The following MAGI1 variants were observed in gnomAD, a reference collection of about 807,000 sequenced individuals.
MAGI1 encodes the protein membrane associated guanylate kinase, WW and PDZ domain containing 1, also known as membrane-associated guanylate kinase, WW and PDZ domain-containing protein 1.
MAGI1 carries 58 observed loss-of-function variants against 139.9 expected under a neutral mutation model. The observed-to-expected ratio is 0.41, with a 90% CI of 0.34 to 0.52. The LOEUF (loss-of-function observed/expected upper bound fraction) is 0.52. MAGI1 is among the 20% of genes least tolerant of loss of function. The pLI, the probability that MAGI1 is intolerant of heterozygous loss-of-function variation, is 0.12. For synonymous variants in MAGI1, 812 were observed against 737.9 expected, an observed-to-expected ratio of 1.10 and a Z score of -1.63; for missense variants, 1,874 against 1,901.6, an observed-to-expected ratio of 0.99 and a Z score of 0.27.
Position 65,880,555 on chromosome 3 carries a change from C to G in MAGI1, c.313+157441G>C, listed in dbSNP as rs2060283626. ...AACAAGAAATACTGCTGACTGGTCC[C>G]AAAACAAATATCTTTATGACAGATG... is the stretch of plus-strand genomic sequence containing the variant. On this transcript the variant is annotated intron_variant, in intron 1 of 22. Coordinates refer to ENST00000402939, the MANE Select transcript of MAGI1 (RefSeq NM_001033057.2). 2.0e-5 allele frequency among the ~76,000 whole-genome samples: 3 copies of G among 151,946 alleles called. No homozygotes were observed. The South Asian group carries it at 6.2e-4, about 32-fold the overall frequency.
intron 2 of MAGI1, among the ~76,000 whole-genome samples, chr3:65,562,349 T>C (rs1176956450): frequency 6.6e-6 from 1 of 152,192 alleles, no homozygotes; most frequent in Non-Finnish European, 1.5e-5. Context: ...ATGCCACTCA[T>C]TGTAGAATGC....
rs928814667 is a variant in MAGI1 at position 65,508,352 on chromosome 3, C to T, written c.431-14721G>A. On this transcript the variant is annotated intron_variant, in intron 2 of 22. Coordinates refer to ENST00000402939, the MANE Select transcript of MAGI1 (RefSeq NM_001033057.2). ...CTGGGAGGCGGAGCTTGCAGTGAGC[C>T]GAGATTGCGCCACTGCACTCCTGCC... 5.3e-5 allele frequency among the ~76,000 whole-genome samples: 8 copies of T among 151,624 alleles called. No homozygotes were observed. In the South Asian group the frequency reaches 1.5e-3, roughly 28 times the overall value.
At chr3:65,977,606 G>T (rs768945941) in intron 1 of MAGI1, among the ~76,000 whole-genome samples, 3 of 151,992 alleles carry the variant, frequency 2.0e-5, no homozygotes, top group Non-Finnish European at 2.9e-5. Flanking sequence ...AGATACTCAG[G>T]AGGCTGAGGC....
chr3:65,977,437 G>A (rs761853147), intron 1 of MAGI1, among the ~76,000 whole-genome samples: 11 of 152,226 alleles, frequency 7.2e-5, no homozygotes, highest in South Asian at 2.1e-4. Flanking sequence ...TCGGCCGGGC[G>A]CGGTGGTTCA....
At chr3:65,372,256 C>T (rs1179944291) in intron 18 of MAGI1, among the ~76,000 whole-genome samples, 1 of 152,216 alleles carries the variant, frequency 6.6e-6, no homozygotes, top group African/African-American at 2.4e-5. Flanking sequence ...GAACAACATT[C>T]ATTTCCTTGT....
chr3:65,610,431 T>C (rs545913760), intron 2 of MAGI1, among the ~76,000 whole-genome samples: 1 of 152,232 alleles, frequency 6.6e-6, no homozygotes, highest in Non-Finnish European at 1.5e-5. Flanking sequence ...TCACATGATG[T>C]CTTATTTCCA....
intron 2 of MAGI1, among the ~76,000 whole-genome samples, chr3:65,607,580 G>A (rs2106898484): frequency 6.6e-6 from 1 of 152,294 alleles, no homozygotes; most frequent in South Asian, 2.1e-4. Flanking sequence ...CTGAGAAACT[G>A]ACAAGGGAGT....
intron 1 of MAGI1, among the ~76,000 whole-genome samples, chr3:65,996,187 C>G (rs950168486): frequency 2.0e-5 from 3 of 152,008 alleles, no homozygotes; most frequent in African/African-American, 7.3e-5. Flanking sequence ...GTTTCCTCAT[C>G]TAGAATATGA....
At chr3:65,438,663 C>T (rs1053841935) in intron 9 of MAGI1, among the ~76,000 whole-genome samples, 8 of 152,192 alleles carry the variant, frequency 5.3e-5, no homozygotes, top group African/African-American at 1.7e-4. Flanking sequence ...ACTAGCCAAA[C>T]TGGGGCCAAT....
chr3:65,601,158 T>A (rs1021086961), intron 2 of MAGI1, among the ~76,000 whole-genome samples: 3 of 152,234 alleles, frequency 2.0e-5, no homozygotes, highest in Non-Finnish European at 4.4e-5. Context: ...TTGCTCTGCA[T>A]ATGTTTTTCC....
chr3:65,851,978 T>C (rs2059219888), intron 1 of MAGI1, among the ~76,000 whole-genome samples: 1 of 152,060 alleles, frequency 6.6e-6, no homozygotes, highest in Admixed American at 6.6e-5. Flanking sequence ...GGAATGTGGA[T>C]AAAGGCCAAA....
At chr3:65,461,468 G>T (rs533688369) in intron 5 of MAGI1, among the ~76,000 whole-genome samples, 1 of 143,362 alleles carries the variant, frequency 7.0e-6, no homozygotes, top group South Asian at 2.2e-4. Flanking sequence ...GCCCATCTTG[G>T]CCTCCCAATG....
At chr3:65,715,557 T>TC (rs1464702922) in intron 1 of MAGI1, among the ~76,000 whole-genome samples, 1 of 152,126 alleles carries the variant, frequency 6.6e-6, no homozygotes, top group African/African-American at 2.4e-5. Context: ...TACCACTTAC[T>TC]CCTAGGGGTC....
chr3:65,517,543 G>A (rs2077963919), intron 2 of MAGI1, among the ~76,000 whole-genome samples: 2 of 152,174 alleles, frequency 1.3e-5, no homozygotes, highest in African/African-American at 4.8e-5. Context: ...GAAAACTGAA[G>A]AAAGTGGGAG....
intron 3 of MAGI1, among the ~76,000 whole-genome samples, chr3:65,491,202 G>T (rs1460665455): frequency 6.6e-6 from 1 of 151,798 alleles, no homozygotes; most frequent in Non-Finnish European, 1.5e-5. Flanking sequence ...AGCTGGGTTT[G>T]GTTCCTTCTC....
At chr3:65,363,082 G>A (rs1941052023) in intron 21 of MAGI1, among the ~76,000 whole-genome samples, 1 of 152,126 alleles carries the variant, frequency 6.6e-6, no homozygotes, top group African/African-American at 2.4e-5. Context: ...AATCTACAGG[G>A]CCATATGGCT....
intron 2 of MAGI1, among the ~76,000 whole-genome samples, chr3:65,514,005 A>G (rs1251205190): frequency 2.8e-5 from 3 of 106,202 alleles, no homozygotes; most frequent in African/African-American, 7.0e-5. Flanking sequence ...ATAATGCCGC[A>G]TATCTACAAC....
chr3:65,603,727 A>G (rs2082594819), intron 2 of MAGI1, among the ~76,000 whole-genome samples: 1 of 152,240 alleles, frequency 6.6e-6, no homozygotes, highest in African/African-American at 2.4e-5. Flanking sequence ...GTTTATAAAG[A>G]ACAGAAATGT....
chr3:65,375,081 C>T (rs1942370611), intron 18 of MAGI1, among the ~76,000 whole-genome samples: 1 of 151,976 alleles, frequency 6.6e-6, no homozygotes, highest in African/African-American at 2.4e-5. Flanking sequence ...TCATATTATA[C>T]ATATCAGAGG....
Sources: allele counts gnomAD v4.1 joint callset (sites outside exome capture counted in the v4.1 genomes callset), GRCh38; gene constraint gnomAD v4.1.1; transcripts MANE v1.5; gene names NCBI Gene and HGNC (gene_info 2026-07-23, HGNC 2026-07-21).